Variants in LPIN3 observed in about 807,000 individuals in gnomAD.
LPIN3 encodes the protein phosphatidate phosphatase LPIN3.
Under a neutral mutation model 94.7 loss-of-function variants are expected in LPIN3, and 82 were observed. That is an observed-to-expected ratio of 0.87 (90% confidence interval 0.72 to 1.04). The LOEUF (loss-of-function observed/expected upper bound fraction) is 1.04. Among genes scored for constraint, LPIN3 ranks in the 50% least tolerant of loss-of-function variants. The pLI is 0.00. For missense variants in LPIN3, 996 were observed against 1,090.5 expected, an observed-to-expected ratio of 0.91 and a Z score of 1.22; for synonymous variants, 418 against 443.3, an observed-to-expected ratio of 0.94 and a Z score of 0.72.
At chr20:41,350,772 G>T (rs2045979407) in intron 7 of LPIN3, among the ~76,000 whole-genome samples, 1 of 152,184 alleles carries the variant, frequency 6.6e-6, no homozygotes, top group South Asian at 2.1e-4. Flanking sequence ...TTCATGTCCA[G>T]AAACTGAAAG....
At chr20:41,354,611 A>C (rs757877606) in intron 11 of LPIN3, 34 bp from the exon 12 acceptor site, 9 of 1,537,210 alleles carry the variant, frequency 5.9e-6, no homozygotes. Flanking sequence ...TATGTGGTGC[A>C]GGAAACACTG....
intron 2 of LPIN3, 30 bp downstream of exon 2, chr20:41,346,025 C>A (rs1164651257): frequency 6.3e-7 from 1 of 1,599,296 alleles, no homozygotes; most frequent in Admixed American, 1.7e-5. Context: ...GAGGTGGCTA[C>A]TGCAGAGTGG....
Position 41,358,747 on chromosome 20 carries a change from G to A in LPIN3, c.2437G>A (p.Glu813Lys), listed in dbSNP as rs149254843. Residue 813 changes from glutamate (E) to lysine (K), a missense_variant, in exon 20 of 20, where the codon GAG becomes AAG. Transcript: ENST00000373257. ...GTATGAGCGGCTTGGTGAAGTGGTC[G>A]AGCTCCTCTTCCCACCTGTGGCCCG... ...STYERLGEVVELLFPPVARGP... is the reference protein window; with the variant it reads ...STYERLGEVVKLLFPPVARGP... 4.0e-5 allele frequency: 64 copies of A among 1,613,974 alleles called. No homozygotes were observed. The highest frequency in any genetic ancestry group is 4.8e-5 in the Non-Finnish European group (57 of 1,179,954).
intron 13 of LPIN3, among the ~76,000 whole-genome samples, 179 bp downstream of exon 13, chr20:41,355,042 T>G (rs1429298220): frequency 6.6e-6 from 1 of 151,616 alleles, no homozygotes; most frequent in Non-Finnish European, 1.5e-5. Context: ...TGAGACAGAG[T>G]CTGGCTCTGT....
Position 41,348,790 on chromosome 20 carries a change from G to A in LPIN3, c.460G>A (p.Glu154Lys). Reference protein sequence around the residue: ...RRRRRKPKQKEDAVATDSSPE... With the variant: ...RRRRRKPKQKKDAVATDSSPE... The stretch of plus-strand genomic sequence containing the variant: ...TCGCAGGAGGAAACCCAAGCAGAAA[G>A]AGGATGCAGTGGCAACTGATTCTAG... The change falls in exon 4 of 20, where the codon GAG becomes AAG. Residue 154 changes from glutamate to lysine, a missense_variant. Glu to Lys is a moderately conservative substitution (Grantham distance 56, BLOSUM62 1). Transcript: ENST00000373257. 6.2e-7 allele frequency: 1 copy of A among 1,612,398 alleles called. No homozygotes were observed. Among genetic ancestry groups the A allele is most frequent in the African/African-American group, 1.3e-5 (1 of 74,784 alleles).
chr20:41,352,395 C>T (rs1171037274), intron 9 of LPIN3, among the ~76,000 whole-genome samples, 175 bp downstream of exon 9: 1 of 152,228 alleles, frequency 6.6e-6, no homozygotes, highest in Non-Finnish European at 1.5e-5. Flanking sequence ...CCCAAGTCCC[C>T]ATGAAGCAAA....
rs1405785390 is a variant in LPIN3 at position 41,360,136 on chromosome 20, C to A, written c.*1270C>A. On this transcript the variant is annotated 3_prime_UTR_variant, in exon 20 of 20. Transcript: ENST00000373257. ...CTGAGGCTGGGAGCCTCAGCAGAGA[C>A]CGGTGTCAAGAGTCTCTGGGAACTG... 1 of 152,580 alleles carries A rather than the reference C, an allele frequency of 6.6e-6. No homozygotes were observed. The highest frequency in any genetic ancestry group is 6.6e-5 in the Admixed American group (1 of 15,262). The allele number at this position is 152,580 out of a possible 1,614,324, so 9.5% of individuals were successfully genotyped here. A position where few individuals can be genotyped will look rare whatever the true frequency, so the allele number is the denominator to read the frequency against.
At chr20:41,351,344 T>G (rs1965015722) in intron 7 of LPIN3, among the ~76,000 whole-genome samples, 3 of 149,622 alleles carry the variant, frequency 2.0e-5, no homozygotes, top group South Asian at 4.3e-4. Flanking sequence ...TCACCCAGGC[T>G]GGAGTGCAGT....
At chr20:41,353,637 C>T (rs976588202) in intron 11 of LPIN3, among the ~76,000 whole-genome samples, 3 of 152,216 alleles carry the variant, frequency 2.0e-5, no homozygotes, top group Admixed American at 6.5e-5. Context: ...AGAACCTCTT[C>T]CCTGGTCTTC....
At chr20:41,350,004 G>C in intron 6 of LPIN3, 51 bp from the exon 7 acceptor site, 1 of 1,559,772 alleles carries the variant, frequency 6.4e-7, no homozygotes, top group South Asian at 1.2e-5. Context: ...AAGCTTTGTG[G>C]GGCATGGGCC....
In LPIN3 at chr20:41,358,533, A is replaced by T. The variant is rs1401730112; in HGVS notation, c.2402A>T (p.His801Leu). Residue 801 changes from histidine (H) to leucine (L), a missense_variant, in exon 19 of 20, where the codon CAC becomes CTC. By Grantham distance (99) the His-to-Leu change is moderately conservative. Transcript: ENST00000373257. ...GELIQELIKN[H>L]KSTYERLGEV... ...CTCATCCAGGAGCTCATAAAGAACC[A>T]CAAATCCACGTGAGGCTAAACCCTG... 1 of 1,613,880 alleles carries T rather than the reference A, an allele frequency of 6.2e-7. No individual in the cohort carries two copies. Among genetic ancestry groups the T allele is most frequent in the Non-Finnish European group, 8.5e-7 (1 of 1,179,990 alleles).
chr20:41,358,091 C>T lies in LPIN3; in HGVS notation c.2192+57C>T, dbSNP rs2046278284. Reference sequence around the variant, plus strand: ...CCCCTGGTGGGGAAAGGCAGGCCCACTGCCAGGCCAGCCTTAGCAGGCTGG... The same window carrying T: ...CCCCTGGTGGGGAAAGGCAGGCCCATTGCCAGGCCAGCCTTAGCAGGCTGG... On this transcript the variant is annotated intron_variant, in intron 17 of 19. Transcript: ENST00000373257. The T allele has an allele frequency of 1.9e-6, 3 of 1,571,622 alleles. No individual in the cohort carries two copies. The East Asian group carries it at 6.7e-5, about 35-fold the overall frequency.
intron 14 of LPIN3, among the ~76,000 whole-genome samples, 190 bp from the exon 15 acceptor site, chr20:41,356,850 C>T (rs1429070555): frequency 6.6e-6 from 1 of 152,174 alleles, no homozygotes; most frequent in Admixed American, 6.5e-5. Flanking sequence ...CCCTGATCAG[C>T]ATGGCCACCC....
chr20:41,350,229 G>C lies in LPIN3; in HGVS notation c.934G>C (p.Glu312Gln), dbSNP rs555614679. The change falls in exon 7 of 20, where the codon GAG (glutamate) becomes CAG (glutamine). Residue 312 changes from glutamate (E) to glutamine (Q), a missense_variant. Transcript: ENST00000373257. ...TGGTGCCGACCTTCAGCCTGACACA[G>C]AGGATCCCACTCTAGTGGGTCCCCC... ...EAGADLQPDT[E>Q]DPTLVGPPLH... 18 of 1,613,746 alleles carry C rather than the reference G, an allele frequency of 1.1e-5. No individual in the cohort carries two copies. In the African/African-American group the frequency reaches 2.1e-4, roughly 19 times the overall value.
Position 41,358,975 on chromosome 20 carries a change from GAAGGAGGAGGCTGCAGGTT to G in LPIN3, c.*110_*128del, listed in dbSNP as rs2046314053. The G allele has an allele frequency of 7.2e-7, 1 of 1,380,894 alleles. No homozygotes were observed. The highest frequency in any genetic ancestry group is 1.4e-5 in the African/African-American group (1 of 69,304). 85.5% of individuals were successfully genotyped at this position (1,380,894 alleles called of 1,614,324 possible). On this transcript the variant is annotated 3_prime_UTR_variant, in exon 20 of 20. Coordinates refer to ENST00000373257, the MANE Select transcript of LPIN3 (RefSeq NM_022896.3). ...GTCATGGGGCAAACCCACTGAAGGG[GAAGGAGGAGGCTGCAGGTT>G]GGTTGGCAGCTAGAGAGACTCCCCC...
chr20:41,347,674 G>A (rs202109620), intron 3 of LPIN3, 27 bp downstream of exon 3: 1 of 1,582,844 alleles, frequency 6.3e-7, no homozygotes, highest in Non-Finnish European at 8.6e-7. Context: ...AACAGCACCT[G>A]CCCCGCCCAC....
At position 41,357,445 on chromosome 20, in the gene LPIN3, A is replaced by C. The variant is rs12625565; in HGVS notation, c.2037A>C (p.Gln679His). Residue 679 changes from glutamine to histidine, a missense_variant and splice_region_variant, in exon 16 of 20, where the codon CAA (glutamine) becomes CAC (histidine). Transcript: ENST00000373257. The stretch of plus-strand genomic sequence containing the variant: ...TCACCAGTCTCTATCACAAAATCCA[A>C]CTGTGAGTGCCTGGGCTGGGGCTGG... ...QGITSLYHKI[Q>H]LNGYKFLYCS... The C allele has an allele frequency of 0.25, 405,944 of 1,611,370 alleles. 56,918 individuals are homozygous for C. Among genetic ancestry groups the C allele is most frequent in the East Asian group, 0.58 (25,913 of 44,862 alleles).
chr20:41,358,444 C>G lies in LPIN3; in HGVS notation c.2313C>G (p.Val771=). 1 of 1,613,994 alleles carries G rather than the reference C, an allele frequency of 6.2e-7. No individual in the cohort carries two copies. Among genetic ancestry groups the G allele is most frequent in the East Asian group, 2.2e-5 (1 of 44,884 alleles). The change falls in exon 19 of 20, where the codon GTC becomes GTG. Residue 771 remains valine (V), a synonymous_variant. Transcript: ENST00000373257. ...YAAFGNRPND[V]FAYRQVGLPE... ...GCCCCTCCTGTCTCCCACAGGATGT[C>G]TTTGCCTACCGGCAGGTGGGCCTGC...
In LPIN3 at chr20:41,352,718, G is replaced by A. The variant is rs1384336499; in HGVS notation, c.1457+19G>A. The A allele has an allele frequency of 2.5e-6, 4 of 1,612,894 alleles. No homozygotes were observed. The highest frequency in any genetic ancestry group is 3.4e-6 in the Non-Finnish European group (4 of 1,178,830). The stretch of plus-strand genomic sequence containing the variant: ...ATGGAAAGTAAGTCCCAGAGCTGGG[G>A]CTGCTGGCAGCCGGAGAGTCATTTC... On this transcript the variant is annotated intron_variant, in intron 10 of 19. Transcript: ENST00000373257.
Sources: gnomAD v4.1 joint callset for allele counts (sites outside exome capture counted in the v4.1 genomes callset) on GRCh38, gnomAD v4.1.1 for gene constraint, MANE v1.5 for transcripts, NCBI Gene and HGNC (gene_info 2026-07-23, HGNC 2026-07-21) for gene names.